VCAN: variants seen among roughly 807,000 people sequenced by gnomAD.
VCAN encodes the protein versican core protein.
Under a neutral mutation model 245.5 loss-of-function variants are expected in VCAN, and 44 were observed. The observed-to-expected ratio is 0.18, with a 90% CI of 0.14 to 0.23. The LOEUF (loss-of-function observed/expected upper bound fraction) is 0.23, where lower values mean the gene tolerates loss of function less well. VCAN is among the 10% of genes least tolerant of loss of function. VCAN has a pLI of 1.00. For missense variants in VCAN, 3,793 were observed against 4,057.9 expected (o/e 0.93, Z 1.77); for synonymous variants, 1,413 against 1,437.0 (o/e 0.98, Z 0.38).
Position 83,539,140 on chromosome 5 carries a change from G to A in VCAN, c.6137G>A (p.Gly2046Glu), listed in dbSNP as rs1272858409. The change falls in exon 8 of 15, where the codon GGA (glycine) becomes GAA (glutamate). Residue 2046 changes from glycine to glutamate, a missense_variant. Gly to Glu is a moderately conservative substitution (Grantham distance 98, BLOSUM62 -2). Transcript: ENST00000265077. Reference sequence around the variant, plus strand: ...TCCTCCATTATCGACGAAGGATTGGGAGAAGTGGGTACTGTCAATGAAATT... The same window carrying A: ...TCCTCCATTATCGACGAAGGATTGGAAGAAGTGGGTACTGTCAATGAAATT... ...TASSIIDEGLGEVGTVNEIDR... is the reference protein window; with the variant it reads ...TASSIIDEGLEEVGTVNEIDR... The A allele has an allele frequency of 2.5e-6, 4 of 1,613,868 alleles. No individual in the cohort carries two copies. In the Admixed American group the frequency reaches 5.0e-5, roughly 20 times the overall value.
chr5:83,554,116 G>A (rs899441419), intron 11 of VCAN, among the ~76,000 whole-genome samples: 2 of 152,196 alleles, frequency 1.3e-5, no homozygotes, highest in Non-Finnish European at 2.9e-5. Context: ...TTCAACTGCA[G>A]CAAAAAGGAG....
intron 5 of VCAN, among the ~76,000 whole-genome samples, chr5:83,509,052 GAGAA>G (rs1438900732): frequency 7.2e-6 from 1 of 139,364 alleles, no homozygotes; most frequent in African/African-American, 2.8e-5. Context: ...AAGAAAGAAA[GAGAA>G]AGAAAGAAAA....
In VCAN at chr5:83,573,388, G is replaced by A. The variant is rs186957654; in HGVS notation, c.9880+828G>A. 3.5e-3 allele frequency among the ~76,000 whole-genome samples: 525 copies of A among 151,980 alleles called. 2 individuals are homozygous for A. The highest frequency in any genetic ancestry group is 0.012 in the African/African-American group (489 of 41,444). ...AGCTGAGAACCACTGCCCTCCCTTG[G>A]TTGGGGCTGCAATCTCCATTTATTG... On this transcript the variant is annotated intron_variant, in intron 13 of 14. Coordinates refer to ENST00000265077, the MANE Select transcript of VCAN (RefSeq NM_004385.5).
chr5:83,528,910 G>T (rs1458867833), intron 7 of VCAN, among the ~76,000 whole-genome samples: 1 of 149,402 alleles, frequency 6.7e-6, no homozygotes, highest in Non-Finnish European at 1.5e-5. Context: ...TGGTAAAATG[G>T]CTATTATTAT....
At chr5:83,523,530 A>G (rs1746180878) in intron 7 of VCAN, among the ~76,000 whole-genome samples, 1 of 152,034 alleles carries the variant, frequency 6.6e-6, no homozygotes, top group Non-Finnish European at 1.5e-5. Context: ...ATTGGAAACA[A>G]ACAAGTAGCG....
In VCAN at chr5:83,512,427, A is replaced by G. The variant is rs577196440; in HGVS notation, c.1042+31A>G. 24 of 1,608,806 alleles carry G rather than the reference A, an allele frequency of 1.5e-5. No individual in the cohort carries two copies. In the Admixed American group the frequency reaches 3.7e-4, roughly 25 times the overall value. ...TGTTTGATACCTTTTTAAAAATTAC[A>G]GTTTTAAAAAAAATGCTTCGAAGCA... On this transcript the variant is annotated intron_variant, in intron 6 of 14. Coordinates refer to ENST00000265077, the MANE Select transcript of VCAN (RefSeq NM_004385.5).
At chr5:83,579,655 C>T (rs551971523) in intron 13 of VCAN, among the ~76,000 whole-genome samples, 72 of 152,086 alleles carry the variant, frequency 4.7e-4, no homozygotes, top group South Asian at 1.2e-3. Flanking sequence ...AACTTAGGGA[C>T]GGTGATGAAG....
chr5:83,515,999 A>G (rs888522566), intron 6 of VCAN, among the ~76,000 whole-genome samples: 22 of 152,198 alleles, frequency 1.4e-4, no homozygotes, highest in South Asian at 6.2e-4. Flanking sequence ...TTGGGAGGCC[A>G]AGGTGGGCGG....
Position 83,540,026 on chromosome 5 carries a change from A to C in VCAN, c.7023A>C (p.Ala2341=). 6.2e-7 allele frequency: 1 copy of C among 1,614,140 alleles called. No homozygotes were observed. Among genetic ancestry groups the C allele is most frequent in the Middle Eastern group, 1.7e-4 (1 of 6,058 alleles). Residue 2341 remains alanine (A), a synonymous_variant, in exon 8 of 15, where the codon GCA becomes GCC. Coordinates refer to ENST00000265077, the MANE Select transcript of VCAN (RefSeq NM_004385.5). Reference sequence around the variant, plus strand: ...TAGAAATTTTAAGTGACACTGGAGCAGAAGGACCCACGGTGGCACCTCTCC... The same window carrying C: ...TAGAAATTTTAAGTGACACTGGAGCCGAAGGACCCACGGTGGCACCTCTCC... ...TLIEILSDTG[A]EGPTVAPLPF...
At chr5:83,571,823 T>C (rs1475679798) in intron 12 of VCAN, among the ~76,000 whole-genome samples, 2 of 152,200 alleles carry the variant, frequency 1.3e-5, no homozygotes, top group Non-Finnish European at 2.9e-5. Flanking sequence ...AAAGGTTGTA[T>C]ATAAAATGAT....
intron 5 of VCAN, among the ~76,000 whole-genome samples, chr5:83,510,897 C>T (rs1427101509): frequency 3.9e-5 from 6 of 152,096 alleles, no homozygotes; most frequent in East Asian, 1.9e-4. Flanking sequence ...GGGTGGATCA[C>T]GAGGTCAGGA....
At chr5:83,513,907 G>A (rs1745754243) in intron 6 of VCAN, among the ~76,000 whole-genome samples, 1 of 152,150 alleles carries the variant, frequency 6.6e-6, no homozygotes, top group African/African-American at 2.4e-5. Flanking sequence ...TATCCAGCCT[G>A]ACTTCCTTAT....
At chr5:83,476,567 A>C (rs1195029507) in intron 1 of VCAN, among the ~76,000 whole-genome samples, 2 of 152,178 alleles carry the variant, frequency 1.3e-5, no homozygotes, top group Non-Finnish European at 2.9e-5. Flanking sequence ...GAATCAGAAA[A>C]GGGGGATTAG....
intron 10 of VCAN, among the ~76,000 whole-genome samples, chr5:83,550,887 CAAAA>C (rs57081110): frequency 0.014 from 711 of 50,074 alleles, 12 homozygotes; most frequent in African/African-American, 0.056. Context: ...GACTCCATCT[CAAAA>C]AAAAAAAAAA....
rs761598424 is a variant in VCAN, at chr5:83,521,305, C to A, written c.2999C>A (p.Pro1000His). ...VPSEDEVLGE[P>H]SQDILVIDQT... Reference sequence around the variant, plus strand: ...TCAGAAGATGAAGTTCTAGGTGAACCCTCTCAAGACATACTTGTCATTGAT... The same window carrying A: ...TCAGAAGATGAAGTTCTAGGTGAACACTCTCAAGACATACTTGTCATTGAT... The change falls in exon 7 of 15, where the codon CCC becomes CAC. Residue 1000 changes from proline (P) to histidine (H), a missense_variant. Coordinates refer to ENST00000265077, the MANE Select transcript of VCAN (RefSeq NM_004385.5). 1.9e-6 allele frequency: 3 copies of A among 1,613,872 alleles called. No homozygotes were observed. The highest frequency in any genetic ancestry group is 2.5e-6 in the Non-Finnish European group (3 of 1,179,886).
chr5:83,478,123 A>G (rs578049942), intron 1 of VCAN, among the ~76,000 whole-genome samples: 2 of 151,914 alleles, frequency 1.3e-5, no homozygotes, highest in Admixed American at 1.3e-4. Context: ...TCGTGTTTTT[A>G]GTAGAGTGGG....
At position 83,572,514 on chromosome 5, in the gene VCAN, T is replaced by A; in HGVS notation, c.9834T>A (p.Asp3278Glu). 1 of 1,613,908 alleles carries A rather than the reference T, an allele frequency of 6.2e-7. No individual in the cohort carries two copies. Among genetic ancestry groups the A allele is most frequent in the Non-Finnish European group, 8.5e-7 (1 of 1,179,860 alleles). ...GGCATGAGAATGGCCAGTGGAATGA[T>A]GTTCCCTGCAATTACCATCTCACCT... is the stretch of plus-strand genomic sequence containing the variant. ...IIWHENGQWN[D>E]VPCNYHLTYT... Residue 3278 changes from aspartate to glutamate, a missense_variant, in exon 13 of 15, where the codon GAT (aspartate) becomes GAA (glutamate). Coordinates refer to ENST00000265077, the MANE Select transcript of VCAN (RefSeq NM_004385.5).
chr5:83,542,362 A>T, intron 8 of VCAN, 94 bp downstream of exon 8: 2 of 1,322,184 alleles, frequency 1.5e-6, no homozygotes, highest in East Asian at 2.4e-5. Flanking sequence ...TGTGATGTTA[A>T]ATCAATGGAG....
In VCAN at chr5:83,537,334, C is replaced by G. The variant is rs765589028; in HGVS notation, c.4331C>G (p.Ser1444Trp). 6.2e-7 allele frequency: 1 copy of G among 1,613,940 alleles called. No individual in the cohort carries two copies. Among genetic ancestry groups the G allele is most frequent in the Non-Finnish European group, 8.5e-7 (1 of 1,179,940 alleles). Residue 1444 changes from serine to tryptophan, a missense_variant, in exon 8 of 15, where the codon TCG becomes TGG. By Grantham distance (177) the Ser-to-Trp change is radical. Around this residue, in one of 5 missense-constraint regions of VCAN, gnomAD observed 3,182 missense variants for 3,250.3 expected, o/e 0.98. Coordinates refer to ENST00000265077, the MANE Select transcript of VCAN (RefSeq NM_004385.5). ...FESVAPSQNF[S>W]DSSESDTHPF... is the part of the protein sequence containing the mutation. ...AGTGTTGCACCTTCTCAGAATTTCT[C>G]GGACAGCTCTGAAAGTGATACTCAT...
Sources: gnomAD v4.1 joint callset for allele counts (sites outside exome capture counted in the v4.1 genomes callset) on GRCh38, gnomAD v4.1.1 for gene constraint, gnomAD v4.1.1 regional missense constraint, MANE v1.5 for transcripts, NCBI Gene and HGNC (gene_info 2026-07-23, HGNC 2026-07-21) for gene names.